The following ZHX3 variants were observed in gnomAD, a reference collection of about 807,000 sequenced individuals.
ZHX3 encodes zinc fingers and homeoboxes protein 3.
A neutral mutation model predicts 64.5 loss-of-function variants in ZHX3; 20 were observed. The observed-to-expected ratio is 0.31, with a 90% CI of 0.22 to 0.45. The LOEUF is 0.45. Ranked by LOEUF, ZHX3 falls within the 20% of genes least tolerant of loss-of-function variation. The pLI, the probability that ZHX3 is intolerant of heterozygous loss-of-function variation, is 1.00. For missense variants in ZHX3, 1,041 were observed against 1,195.8 expected (o/e 0.87, Z 1.91); for synonymous variants, 423 against 461.6 (o/e 0.92, Z 1.07).
At chr20:41,206,761 A>G (rs1189010436) in intron 2 of ZHX3, among the ~76,000 whole-genome samples, 1 of 152,208 alleles carries the variant, frequency 6.6e-6, no homozygotes, top group East Asian at 1.9e-4. Flanking sequence ...CCAACCTAGC[A>G]AGGCAGGCCA....
At chr20:41,284,414 G>A (rs1199552860) in intron 1 of ZHX3, among the ~76,000 whole-genome samples, 2 of 152,020 alleles carry the variant, frequency 1.3e-5, no homozygotes, top group African/African-American at 4.8e-5. Context: ...CTACCTCCTA[G>A]GTTCAACATG....
chr20:41,301,746 G>A (rs1009922571), intron 1 of ZHX3, among the ~76,000 whole-genome samples: 1 of 152,088 alleles, frequency 6.6e-6, no homozygotes, highest in South Asian at 2.1e-4. Context: ...CAGGCAAAGG[G>A]TGAGTTACCT....
intron 3 of ZHX3, among the ~76,000 whole-genome samples, chr20:41,194,183 G>C (rs2037289366): frequency 6.6e-6 from 1 of 152,122 alleles, no homozygotes; most frequent in South Asian, 2.1e-4. Context: ...CAGGGGAAAA[G>C]TTTTCGGTCT....
chr20:41,194,904 A>G (rs2037357063), intron 3 of ZHX3, among the ~76,000 whole-genome samples: 1 of 152,148 alleles, frequency 6.6e-6, no homozygotes, highest in African/African-American at 2.4e-5. Context: ...AAAATGTAAC[A>G]TCCCCTCTTT....
In ZHX3 at chr20:41,219,566, T is replaced by G. The variant is rs1307650260; in HGVS notation, c.-150-14500A>C. 6.6e-6 allele frequency among the ~76,000 whole-genome samples: 1 copy of G among 152,248 alleles called. No individual in the cohort carries two copies. Among genetic ancestry groups the G allele is most frequent in the Non-Finnish European group, 1.5e-5 (1 of 68,044 alleles). On this transcript the variant is annotated intron_variant, in intron 2 of 3. Transcript: ENST00000683867. The surrounding 1 kb of genome is among the most constrained non-coding windows in gnomAD (Gnocchi z 5.0). ...CACCAAAAACAACAAAACCTTCCTA[T>G]AAGTTTTATTTGCTAAATTTGTTTT...
chr20:41,229,216 GT>G (rs1437197991), intron 2 of ZHX3, among the ~76,000 whole-genome samples: 1 of 152,082 alleles, frequency 6.6e-6, no homozygotes, highest in African/African-American at 2.4e-5. Flanking sequence ...ATATCCTCAA[GT>G]TTCATCCATA....
chr20:41,242,005 A>C (rs957624889), intron 2 of ZHX3, among the ~76,000 whole-genome samples: 2 of 152,030 alleles, frequency 1.3e-5, no homozygotes, highest in Non-Finnish European at 2.9e-5. Context: ...GTGTGTGTAC[A>C]TGTGTGCACC....
chr20:41,239,321 TTTTC>T (rs1295391935), intron 2 of ZHX3, among the ~76,000 whole-genome samples: 1 of 152,130 alleles, frequency 6.6e-6, no homozygotes, highest in Non-Finnish European at 1.5e-5. Flanking sequence ...TAAGGGCCTA[TTTTC>T]TTTCTTTCTA....
chr20:41,222,175 TAAG>T (rs957418188), intron 2 of ZHX3, among the ~76,000 whole-genome samples: 37 of 152,056 alleles, frequency 2.4e-4, no homozygotes, highest in African/African-American at 8.2e-4. Context: ...GAGATGGAGG[TAAG>T]AAGAAGTGGC....
At chr20:41,240,332 T>C (rs958967541) in intron 2 of ZHX3, among the ~76,000 whole-genome samples, 1 of 152,208 alleles carries the variant, frequency 6.6e-6, no homozygotes, top group Non-Finnish European at 1.5e-5. Flanking sequence ...CTCAGATGCT[T>C]TCCCTTCAAA....
At chr20:41,188,604 T>C (rs2036739915) in intron 3 of ZHX3, 1 of 152,246 alleles carries the variant, frequency 6.6e-6, no homozygotes, top group Non-Finnish European at 1.5e-5. Flanking sequence ...TTTCACCATG[T>C]TGCCCAGGCT....
rs987048451 is a variant in ZHX3, at chr20:41,185,732, A to G, written c.2861-531T>C. On this transcript the variant is annotated intron_variant, in intron 3 of 3. Transcript: ENST00000683867. The surrounding 1 kb of genome is among the most constrained non-coding windows in gnomAD (Gnocchi z 5.0). ...TTCATCATCTGTGATTCATAAAGAA[A>G]TGGTCCTTAATTGCAGCTGGCTGAG... is the stretch of plus-strand genomic sequence containing the variant. The G allele has an allele frequency of 1.9e-5, 3 of 155,744 alleles. No homozygotes were observed. The highest frequency in any genetic ancestry group is 7.2e-5 in the African/African-American group (3 of 41,536). 9.6% of individuals were successfully genotyped at this position (155,744 alleles called of 1,614,324 possible). A position where few individuals can be genotyped will look rare whatever the true frequency, so the allele number is the denominator to read the frequency against.
In ZHX3 at chr20:41,247,670, C is replaced by T. The variant is rs181200482; in HGVS notation, c.-151+21320G>A. ...AGTAAGGTTTTGCAGCACCATCCTT[C>T]TCCTGTGGCTTGTAAACCTCTGCAG... is the stretch of plus-strand genomic sequence containing the variant. On this transcript the variant is annotated intron_variant, in intron 2 of 3. Transcript: ENST00000683867. Among the ~76,000 whole-genome samples the T allele has an allele frequency of 6.7e-4, 102 of 152,284 alleles. 1 individual carries two copies. Among genetic ancestry groups the T allele is most frequent in the Admixed American group, 6.2e-3 (95 of 15,306 alleles).
intron 1 of ZHX3, among the ~76,000 whole-genome samples, chr20:41,271,315 G>A (rs2043137793): frequency 6.6e-6 from 1 of 152,210 alleles, no homozygotes; most frequent in South Asian, 2.1e-4. Context: ...ACCATGCCCA[G>A]CCTACAAAAG....
intron 3 of ZHX3, among the ~76,000 whole-genome samples, chr20:41,199,106 T>C (rs2038009134): frequency 6.6e-6 from 1 of 152,202 alleles, no homozygotes; most frequent in Non-Finnish European, 1.5e-5. Context: ...TTATTGATAT[T>C]CTCATTTTGT....
At chr20:41,268,402 C>A (rs2042967151) in intron 2 of ZHX3, among the ~76,000 whole-genome samples, 1 of 152,044 alleles carries the variant, frequency 6.6e-6, no homozygotes, top group Non-Finnish European at 1.5e-5. Context: ...TTAAGTTTAG[C>A]ATTAAAAAAA....
chr20:41,255,903 G>C (rs2042226365), intron 2 of ZHX3, among the ~76,000 whole-genome samples: 1 of 152,144 alleles, frequency 6.6e-6, no homozygotes, highest in Admixed American at 6.6e-5. Flanking sequence ...GATTTCTGTA[G>C]GCACTGAGCA....
At chr20:41,267,278 A>AC (rs1196990846) in intron 2 of ZHX3, among the ~76,000 whole-genome samples, 2 of 52,294 alleles carry the variant, frequency 3.8e-5, no homozygotes, top group Non-Finnish European at 6.1e-5. Flanking sequence ...CTTCTAGATC[A>AC]AAGAGCTATG....
At chr20:41,279,837 A>ACCATATGGTTC (rs2043582220) in intron 1 of ZHX3, among the ~76,000 whole-genome samples, 1 of 152,204 alleles carries the variant, frequency 6.6e-6, no homozygotes, top group Non-Finnish European at 1.5e-5. Flanking sequence ...AAAACTGTGA[A>ACCATATGGTTC]TATAACCATA....
Sources: gnomAD v4.1 joint callset for allele counts (sites outside exome capture counted in the v4.1 genomes callset) on GRCh38, gnomAD v4.1.1 for gene constraint, Gnocchi (gnomAD v3.1) non-coding constraint, MANE v1.5 for transcripts, NCBI Gene and HGNC (gene_info 2026-07-23, HGNC 2026-07-21) for gene names.